SPHKAP: variants seen among roughly 807,000 people sequenced by gnomAD.
SPHKAP encodes the protein SPHK1 interactor, AKAP domain containing.
Under a neutral mutation model 137.5 loss-of-function variants are expected in SPHKAP, and 67 were observed. The observed-to-expected ratio is 0.49, with a 90% CI of 0.40 to 0.60. SPHKAP has a LOEUF of 0.60. Among genes scored for constraint, SPHKAP ranks in the 20% least tolerant of loss-of-function variants. The pLI, the probability that SPHKAP is intolerant of heterozygous loss-of-function variation, is 0.00. For synonymous variants in SPHKAP, 813 were observed against 785.3 expected (o/e 1.04, Z -0.59); for missense variants, 2,097 against 2,069.3 (o/e 1.01, Z -0.26).
intron 2 of SPHKAP, among the ~76,000 whole-genome samples, chr2:228,129,474 G>C (rs1699179049): frequency 6.6e-6 from 1 of 152,028 alleles, no homozygotes; most frequent in Non-Finnish European, 1.5e-5. Flanking sequence ...TAAGGGTGAG[G>C]GTCATTTATG....
chr2:228,030,561 A>T (rs538760322), intron 3 of SPHKAP, among the ~76,000 whole-genome samples: 164 of 151,230 alleles, frequency 1.1e-3, no homozygotes, highest in African/African-American at 3.7e-3. Context: ...AAAAAATAAA[A>T]AAATTAAAAT....
At chr2:228,129,344 A>T (rs1699174796) in intron 2 of SPHKAP, among the ~76,000 whole-genome samples, 1 of 152,230 alleles carries the variant, frequency 6.6e-6, no homozygotes, top group African/African-American at 2.4e-5. Flanking sequence ...CAATAATGTG[A>T]AGTAGAGTAA....
At chr2:228,143,868 G>C (rs1350832991) in intron 1 of SPHKAP, among the ~76,000 whole-genome samples, 2 of 152,010 alleles carry the variant, frequency 1.3e-5, no homozygotes, top group African/African-American at 4.8e-5. Flanking sequence ...AAGCAAAATT[G>C]TAAGTCCTTG....
chr2:228,112,459 G>C (rs746489344), intron 2 of SPHKAP, among the ~76,000 whole-genome samples: 3 of 152,152 alleles, frequency 2.0e-5, no homozygotes, highest in Admixed American at 6.6e-5. Flanking sequence ...TATTTCAACA[G>C]AGAAAAGCAA....
At chr2:228,144,367 C>T (rs1373469730) in intron 1 of SPHKAP, among the ~76,000 whole-genome samples, 5 of 152,168 alleles carry the variant, frequency 3.3e-5, no homozygotes, top group East Asian at 1.9e-4. Context: ...TGGTTTTCCA[C>T]GATGTAGTTC....
chr2:228,147,010 AGG>A (rs1231316187), intron 1 of SPHKAP, among the ~76,000 whole-genome samples: 1 of 152,226 alleles, frequency 6.6e-6, no homozygotes, highest in East Asian at 1.9e-4. Flanking sequence ...GATTGAAGGA[AGG>A]GGGATTTTCC....
chr2:228,151,809 AG>A (rs1699941530), intron 1 of SPHKAP, among the ~76,000 whole-genome samples: 1 of 152,038 alleles, frequency 6.6e-6, no homozygotes, highest in Non-Finnish European at 1.5e-5. Context: ...AAAATCTCAG[AG>A]GATAGGTGCT....
rs71043020 is a variant in SPHKAP at position 228,063,143 on chromosome 2, C to CCTATCTATCTATCTAT, written c.247-35616_247-35601dup. ...CATCTGCTGAAAGCATAGATAGATCCCTATCTATCTATCTATCTATCTATC... is the reference window on the plus strand; with the variant it reads ...CATCTGCTGAAAGCATAGATAGATCCCTATCTATCTATCTATCTATCTATCTATCTATCTATCTATC... On this transcript the variant is annotated intron_variant, in intron 3 of 11. Transcript: ENST00000392056. Among the ~76,000 whole-genome samples, 849 of 145,946 alleles carry CCTATCTATCTATCTAT rather than the reference C, an allele frequency of 5.8e-3. 7 individuals carry two copies. The highest frequency in any genetic ancestry group is 7.1e-3 in the Middle Eastern group (2 of 280).
At chr2:228,024,234 A>G (rs1464154440) in intron 5 of SPHKAP, among the ~76,000 whole-genome samples, 6 of 152,206 alleles carry the variant, frequency 3.9e-5, no homozygotes, top group Non-Finnish European at 8.8e-5. Flanking sequence ...GTCAAGTCCA[A>G]TTAATGTCAA....
intron 3 of SPHKAP, among the ~76,000 whole-genome samples, chr2:228,040,127 G>A (rs1386700714): frequency 1.3e-5 from 2 of 151,992 alleles, no homozygotes; most frequent in East Asian, 1.9e-4. Context: ...TTAAAATCTA[G>A]GCATTTGAAT....
intron 6 of SPHKAP, 84 bp downstream of exon 6, chr2:228,021,627 G>A (rs1694842866): frequency 4.7e-6 from 7 of 1,493,750 alleles, no homozygotes; most frequent in Non-Finnish European, 6.3e-6. Flanking sequence ...CCAAACTGAT[G>A]TGGCCTGGAA....
chr2:228,126,842 A>C (rs530924468), intron 2 of SPHKAP, among the ~76,000 whole-genome samples: 2 of 152,302 alleles, frequency 1.3e-5, no homozygotes, highest in South Asian at 2.1e-4. Flanking sequence ...AAATTTGAGG[A>C]ACACAAGCAA....
chr2:228,132,107 A>G, intron 1 of SPHKAP, 22 bp from the exon 2 acceptor site: 2 of 1,580,184 alleles, frequency 1.3e-6, no homozygotes, highest in Non-Finnish European at 1.7e-6. Context: ...CCAAAACACA[A>G]AAACACATTC....
At chr2:227,987,611 C>G (rs148500412) in intron 11 of SPHKAP, among the ~76,000 whole-genome samples, 1 of 152,078 alleles carries the variant, frequency 6.6e-6, no homozygotes, top group Non-Finnish European at 1.5e-5. Flanking sequence ...CCATTTGTCA[C>G]GAGAGGAGTA....
intron 2 of SPHKAP, among the ~76,000 whole-genome samples, chr2:228,115,228 C>A (rs1698670405): frequency 6.6e-6 from 1 of 152,108 alleles, no homozygotes; most frequent in Admixed American, 6.6e-5. Flanking sequence ...GGAGGGATGA[C>A]TTGCTGATCT....
chr2:228,034,909 C>G (rs1012775671), intron 3 of SPHKAP, among the ~76,000 whole-genome samples: 1 of 151,664 alleles, frequency 6.6e-6, no homozygotes, highest in African/African-American at 2.4e-5. Flanking sequence ...CTATGACAAA[C>G]CCACAGCCAA....
chr2:228,018,966 G>A lies in SPHKAP; in HGVS notation c.1888C>T (p.Pro630Ser). ...LKEAALVLTR[P>S]NTYSSIGDFL... is the part of the protein sequence containing the mutation. Reference sequence around the variant, plus strand: ...TCTCCAATGCTGCTGTAGGTATTAGGCCTTGTTAAAACCAGAGCAGCCTCC... The same window carrying A: ...TCTCCAATGCTGCTGTAGGTATTAGACCTTGTTAAAACCAGAGCAGCCTCC... The change falls in exon 7 of 12, where the codon CCT becomes TCT. Residue 630 changes from proline (P) to serine (S), a missense_variant. Physicochemically the swap from Pro to Ser is moderately conservative, Grantham distance 74. Transcript: ENST00000392056. The A allele has an allele frequency of 6.2e-7, 1 of 1,614,112 alleles. No individual in the cohort carries two copies. Among genetic ancestry groups the A allele is most frequent in the East Asian group, 2.2e-5 (1 of 44,864 alleles).
intron 9 of SPHKAP, chr2:227,991,600 C>T (rs952961594): frequency 1.0e-6 from 1 of 985,380 alleles, no homozygotes; most frequent in Non-Finnish European, 1.2e-6. Context: ...CTGAGAGATG[C>T]AACCTTCTCT....
chr2:228,066,300 A>C (rs1164361160), intron 3 of SPHKAP, among the ~76,000 whole-genome samples: 1 of 152,140 alleles, frequency 6.6e-6, no homozygotes, highest in Non-Finnish European at 1.5e-5. Context: ...TGTTGAAATA[A>C]GCCTGTGTTC....
Sources: allele counts gnomAD v4.1 joint callset (sites outside exome capture counted in the v4.1 genomes callset), GRCh38; gene constraint gnomAD v4.1.1; transcripts MANE v1.5; gene names NCBI Gene and HGNC (gene_info 2026-07-23, HGNC 2026-07-21).